ANKRD9: variants seen among roughly 807,000 people sequenced by gnomAD.
The protein encoded by ANKRD9 is ankyrin repeat domain 9.
ANKRD9 carries 13 observed loss-of-function variants against 19.2 expected under a neutral mutation model. The ratio of observed to expected loss-of-function variants is 0.68; its 90% CI spans 0.44 to 1.08. ANKRD9 has a LOEUF of 1.08. Among genes scored for constraint, ANKRD9 ranks in the 50% least tolerant of loss-of-function variants. The pLI, the probability that ANKRD9 is intolerant of heterozygous loss-of-function variation, is 0.00. For synonymous variants in ANKRD9, 278 were observed against 256.8 expected (o/e 1.08, Z -0.79); for missense variants, 518 against 499.9 (o/e 1.04, Z -0.34).
At position 102,507,430 on chromosome 14, in the gene ANKRD9, T is replaced by A; in HGVS notation, c.460A>T (p.Ser154Cys). 11 of 1,382,948 alleles carry A rather than the reference T, an allele frequency of 8.0e-6. No individual in the cohort carries two copies. Among genetic ancestry groups the A allele is most frequent in the Non-Finnish European group, 1.0e-5 (11 of 1,063,976 alleles). The allele number at this position is 1,382,948 out of a possible 1,614,324, so 85.7% of individuals were successfully genotyped here. Reference protein sequence around the residue: ...RARVLDRRGCSRVEGGGTSLH... With the variant: ...RARVLDRRGCCRVEGGGTSLH... The stretch of plus-strand genomic sequence containing the variant: ...GACGTGCCACCGCCCTCCACGCGGC[T>A]GCAGCCACGCCGGTCCAGCACGCGC... Residue 154 changes from serine to cysteine, a missense_variant, in exon 4 of 4, where the codon AGC becomes TGC. Ser to Cys is a moderately radical substitution (Grantham distance 112). Coordinates refer to ENST00000286918, the MANE Select transcript of ANKRD9 (RefSeq NM_152326.4). This position sits in a 1 kb window ranked among gnomAD's most constrained non-coding sequence, Gnocchi z 9.2.
chr14:102,507,381 G>A lies in ANKRD9; in HGVS notation c.509C>T (p.Ala170Val), dbSNP rs1483599821. ...CAGCAGGAAGAGGCACTCGGGGCGC[G>A]CCAGCTCACAGGCCACGTGCAGCGA... ...GTSLHVACELARPECLFLLLG... is the reference protein window; with the variant it reads ...GTSLHVACELVRPECLFLLLG... Residue 170 changes from alanine (A) to valine (V), a missense_variant, in exon 4 of 4, where the codon GCG (alanine) becomes GTG (valine). Ala to Val is a moderately conservative substitution (Grantham distance 64). Coordinates refer to ENST00000286918, the MANE Select transcript of ANKRD9 (RefSeq NM_152326.4). This position sits in a 1 kb window ranked among gnomAD's most constrained non-coding sequence, Gnocchi z 9.2. The A allele has an allele frequency of 1.5e-6, 2 of 1,338,982 alleles. No individual in the cohort carries two copies. The highest frequency in any genetic ancestry group is 1.9e-6 in the Non-Finnish European group (2 of 1,043,560). 82.9% of individuals were successfully genotyped at this position (1,338,982 alleles called of 1,614,324 possible).
At position 102,509,735 on chromosome 14, in the gene ANKRD9, G is replaced by A. The variant is rs996588009; in HGVS notation, c.-541C>T. On this transcript the variant is annotated 5_prime_UTR_variant, in exon 1 of 4. Transcript: ENST00000286918. Reference sequence around the variant, plus strand: ...TGCCGTCGCCGGCGGCGGGCGGCGGGCGGCGGGCGGCGGGCGGCGCAGTGC... The same window carrying A: ...TGCCGTCGCCGGCGGCGGGCGGCGGACGGCGGGCGGCGGGCGGCGCAGTGC... The A allele has an allele frequency of 1.4e-5, 2 of 145,954 alleles. No individual in the cohort carries two copies. Among genetic ancestry groups the A allele is most frequent in the African/African-American group, 4.9e-5 (2 of 40,856 alleles). The allele number at this position is 145,954 out of a possible 1,614,324, so 9.0% of individuals were successfully genotyped here.
Position 102,507,564 on chromosome 14 carries a change from C to A in ANKRD9, c.326G>T (p.Cys109Phe). 1 of 1,359,290 alleles carries A rather than the reference C, an allele frequency of 7.4e-7. No homozygotes were observed. Among genetic ancestry groups the A allele is most frequent in the Non-Finnish European group, 9.5e-7 (1 of 1,056,702 alleles). The allele number at this position is 1,359,290 out of a possible 1,614,324, so 84.2% of individuals were successfully genotyped here. The part of the protein sequence containing the change: ...ALAPPSAGFR[C>F]CAAPGPHVAL... Reference sequence around the variant, plus strand: ...CACGTGCGGCCCGGGAGCCGCGCAGCAGCGGAAGCCGGCACTGGGCGGTGC... The same window carrying A: ...CACGTGCGGCCCGGGAGCCGCGCAGAAGCGGAAGCCGGCACTGGGCGGTGC... The change falls in exon 4 of 4, where the codon TGC (cysteine) becomes TTC (phenylalanine). Residue 109 changes from cysteine (C) to phenylalanine (F), a missense_variant. Coordinates refer to ENST00000286918, the MANE Select transcript of ANKRD9 (RefSeq NM_152326.4). The surrounding 1 kb of genome is among the most constrained non-coding windows in gnomAD (Gnocchi z 9.2).
rs1424435297 is a variant in ANKRD9 at position 102,507,845 on chromosome 14, C to G, written c.45G>C (p.Gly15=). Residue 15 remains glycine, a synonymous_variant, in exon 4 of 4, where the codon GGG becomes GGC. Coordinates refer to ENST00000286918, the MANE Select transcript of ANKRD9 (RefSeq NM_152326.4). This position sits in a 1 kb window ranked among gnomAD's most constrained non-coding sequence, Gnocchi z 9.2. The part of the protein sequence containing the change: ...ARRPGGGADG[G]PEASGAARSR... ...AGCGCGCCGCGCCCGAGGCCTCGGG[C>G]CCGCCGTCCGCGCCACCCCCAGGCC... is the stretch of plus-strand genomic sequence containing the variant. 4.7e-6 allele frequency: 6 copies of G among 1,274,056 alleles called. No homozygotes were observed. In the African/African-American group the frequency reaches 6.4e-5, roughly 13 times the overall value. 78.9% of individuals were successfully genotyped at this position (1,274,056 alleles called of 1,614,324 possible). A position where few individuals can be genotyped will look rare whatever the true frequency, so the allele number is the denominator to read the frequency against.
rs1379829705 is a variant in ANKRD9, at chr14:102,501,818, G to C, written c.*5118C>G. 1.3e-5 allele frequency: 2 copies of C among 152,200 alleles called. No homozygotes were observed. Among genetic ancestry groups the C allele is most frequent in the Admixed American group, 1.3e-4 (2 of 15,284 alleles). 9.4% of individuals were successfully genotyped at this position (152,200 alleles called of 1,614,324 possible). A position where few individuals can be genotyped will look rare whatever the true frequency, so the allele number is the denominator to read the frequency against. ...CAATAGGAGGAGCACTTCGAGTCGA[G>C]TGTAAGGGCCCTTCACAAAAGCAGA... On this transcript the variant is annotated 3_prime_UTR_variant, in exon 4 of 4. Coordinates refer to ENST00000286918, the MANE Select transcript of ANKRD9 (RefSeq NM_152326.4).
In ANKRD9 at chr14:102,507,591, A is replaced by G. The variant is rs758899978; in HGVS notation, c.299T>C (p.Leu100Pro). The G allele has an allele frequency of 6.9e-7, 1 of 1,446,928 alleles. No individual in the cohort carries two copies. Among genetic ancestry groups the G allele is most frequent in the Non-Finnish European group, 9.1e-7 (1 of 1,099,392 alleles). The allele number at this position is 1,446,928 out of a possible 1,614,324, so 89.6% of individuals were successfully genotyped here. Residue 100 changes from leucine (L) to proline (P), a missense_variant, in exon 4 of 4, where the codon CTC (leucine) becomes CCC (proline). By Grantham distance (98) the Leu-to-Pro change is moderately conservative (BLOSUM62 -3). Transcript: ENST00000286918. This position sits in a 1 kb window ranked among gnomAD's most constrained non-coding sequence, Gnocchi z 9.2. ...YLLATFPRRA[L>P]APPSAGFRCC... The stretch of plus-strand genomic sequence containing the variant: ...GCGGAAGCCGGCACTGGGCGGTGCG[A>G]GCGCGCGCCGCGGGAACGTGGCCAG...
In ANKRD9 at chr14:102,502,354, T is replaced by C. The variant is rs1891463449; in HGVS notation, c.*4582A>G. 1 of 152,698 alleles carries C rather than the reference T, an allele frequency of 6.5e-6. No homozygotes were observed. The highest frequency in any genetic ancestry group is 6.5e-5 in the Admixed American group (1 of 15,286). The allele number at this position is 152,698 out of a possible 1,614,324, so 9.5% of individuals were successfully genotyped here. A position where few individuals can be genotyped will look rare whatever the true frequency, so the allele number is the denominator to read the frequency against. ...GAGGGGTGAAAAGAAACAAGTTCTC[T>C]ACTTGTGATCAGCAGCTGGTCATAG... On this transcript the variant is annotated 3_prime_UTR_variant, in exon 4 of 4. Transcript: ENST00000286918.
At position 102,507,563 on chromosome 14, in the gene ANKRD9, G is replaced by A. The variant is rs146061439; in HGVS notation, c.327C>T (p.Cys109=). 0.02 allele frequency: 26,575 copies of A among 1,358,704 alleles called. 305 individuals carry two copies. The highest frequency in any genetic ancestry group is 0.026 in the Middle Eastern group (108 of 4,106). The allele number at this position is 1,358,704 out of a possible 1,614,324, so 84.2% of individuals were successfully genotyped here. A position where few individuals can be genotyped will look rare whatever the true frequency, so the allele number is the denominator to read the frequency against. The part of the protein sequence containing the change: ...ALAPPSAGFR[C]CAAPGPHVAL... ...CCACGTGCGGCCCGGGAGCCGCGCAGCAGCGGAAGCCGGCACTGGGCGGTG... is the reference window on the plus strand; with the variant it reads ...CCACGTGCGGCCCGGGAGCCGCGCAACAGCGGAAGCCGGCACTGGGCGGTG... The change falls in exon 4 of 4, where the codon TGC becomes TGT. Residue 109 remains cysteine (C), a synonymous_variant. Transcript: ENST00000286918. This position sits in a 1 kb window ranked among gnomAD's most constrained non-coding sequence, Gnocchi z 9.2.
rs1157615106 is a variant in ANKRD9, at chr14:102,502,204, G to C, written c.*4732C>G. 1 of 152,400 alleles carries C rather than the reference G, an allele frequency of 6.6e-6. No homozygotes were observed. Among genetic ancestry groups the C allele is most frequent in the Non-Finnish European group, 1.5e-5 (1 of 68,052 alleles). The allele number at this position is 152,400 out of a possible 1,614,324, so 9.4% of individuals were successfully genotyped here. ...GGCATGGTCATGAAAGCGTGGTTCT[G>C]TAAGAAATCAGAGGGAGAAAGGGAG... is the stretch of plus-strand genomic sequence containing the variant. On this transcript the variant is annotated 3_prime_UTR_variant, in exon 4 of 4. Coordinates refer to ENST00000286918, the MANE Select transcript of ANKRD9 (RefSeq NM_152326.4).
At position 102,507,751 on chromosome 14, in the gene ANKRD9, CGGGTA is replaced by C; in HGVS notation, c.134_138del (p.Leu45ArgfsTer28). ...GCGCGCATATCCTCCAGCAGCCACA[CGGGTA>C]GCAGGTCGCGCACCGCCTGGTAGAA... On this transcript the variant is annotated frameshift_variant, in exon 4 of 4. Coordinates refer to ENST00000286918, the MANE Select transcript of ANKRD9 (RefSeq NM_152326.4). LOFTEE classifies it high-confidence loss of function. This position sits in a 1 kb window ranked among gnomAD's most constrained non-coding sequence, Gnocchi z 9.2. The C allele has an allele frequency of 4.4e-6, 6 of 1,352,718 alleles. No individual in the cohort carries two copies. The highest frequency in any genetic ancestry group is 5.8e-6 in the Non-Finnish European group (6 of 1,032,152). The allele number at this position is 1,352,718 out of a possible 1,614,324, so 83.8% of individuals were successfully genotyped here.
rs1891476171 is a variant in ANKRD9, at chr14:102,502,758, C to T, written c.*4178G>A. On this transcript the variant is annotated 3_prime_UTR_variant, in exon 4 of 4. Coordinates refer to ENST00000286918, the MANE Select transcript of ANKRD9 (RefSeq NM_152326.4). ...CTTGTATGCGTGCAGATGACGCACT[C>T]AGTCAGCGCCTTTACTTGTACGTGA... 1 of 152,204 alleles carries T rather than the reference C, an allele frequency of 6.6e-6. No individual in the cohort carries two copies. Among genetic ancestry groups the T allele is most frequent in the African/African-American group, 2.4e-5 (1 of 41,434 alleles). The allele number at this position is 152,204 out of a possible 1,614,324, so 9.4% of individuals were successfully genotyped here. A position where few individuals can be genotyped will look rare whatever the true frequency, so the allele number is the denominator to read the frequency against.
chr14:102,507,025 C>T lies in ANKRD9; in HGVS notation c.865G>A (p.Ala289Thr), dbSNP rs1891612019. 7 of 1,581,656 alleles carry T rather than the reference C, an allele frequency of 4.4e-6. No homozygotes were observed. Among genetic ancestry groups the T allele is most frequent in the South Asian group, 3.4e-5 (3 of 87,952 alleles). ...TCGGGGAAGCGGCCTGGAGAGATGG[C>T]GGTGACCAGCACCTGCATGGCGCGC... ...FARAMQVLVTAISPGRFPEAL... is the reference protein window; with the variant it reads ...FARAMQVLVTTISPGRFPEAL... Residue 289 changes from alanine (A) to threonine (T), a missense_variant, in exon 4 of 4, where the codon GCC becomes ACC. Transcript: ENST00000286918. This position sits in a 1 kb window ranked among gnomAD's most constrained non-coding sequence, Gnocchi z 9.2.
At position 102,507,182 on chromosome 14, in the gene ANKRD9, C is replaced by T. The variant is rs1388232293; in HGVS notation, c.708G>A (p.Ala236=). The stretch of plus-strand genomic sequence containing the variant: ...CGGCGGCACCCACGGGGGTGTACAG[C>T]GCCAGGAGGTCCAGCAGCAGCAGGC... ...QRRLLLLDLL[A]LYTPVGAAGS... is the part of the protein sequence containing the mutation. The change falls in exon 4 of 4, where the codon GCG becomes GCA. Residue 236 remains alanine (A), a synonymous_variant. Transcript: ENST00000286918. The surrounding 1 kb of genome is among the most constrained non-coding windows in gnomAD (Gnocchi z 9.2). The T allele has an allele frequency of 3.0e-6, 4 of 1,344,200 alleles. No individual in the cohort carries two copies. The highest frequency in any genetic ancestry group is 6.4e-5 in the East Asian group (2 of 31,188). 83.3% of individuals were successfully genotyped at this position (1,344,200 alleles called of 1,614,324 possible). A position where few individuals can be genotyped will look rare whatever the true frequency, so the allele number is the denominator to read the frequency against.
rs749830516 is a variant in ANKRD9, at chr14:102,507,026, G to T, written c.864C>A (p.Thr288=). Residue 288 remains threonine (T), a synonymous_variant, in exon 4 of 4, where the codon ACC becomes ACA. Coordinates refer to ENST00000286918, the MANE Select transcript of ANKRD9 (RefSeq NM_152326.4). This position sits in a 1 kb window ranked among gnomAD's most constrained non-coding sequence, Gnocchi z 9.2. The part of the protein sequence containing the change: ...LFARAMQVLV[T]AISPGRFPEA... ...CGGGGAAGCGGCCTGGAGAGATGGC[G>T]GTGACCAGCACCTGCATGGCGCGCG... 1.6e-5 allele frequency: 26 copies of T among 1,583,490 alleles called. No homozygotes were observed. In the African/African-American group the frequency reaches 3.6e-4, roughly 22 times the overall value.
chr14:102,507,542 G>T lies in ANKRD9; in HGVS notation c.348C>A (p.His116Gln), dbSNP rs868155121. Residue 116 changes from histidine to glutamine, a missense_variant, in exon 4 of 4, where the codon CAC (histidine) becomes CAA (glutamine). Physicochemically the swap from His to Gln is conservative, Grantham distance 24. Transcript: ENST00000286918. The surrounding 1 kb of genome is among the most constrained non-coding windows in gnomAD (Gnocchi z 9.2). ...GGTTGTAGCGCACTGCCAGCGCCACGTGCGGCCCGGGAGCCGCGCAGCAGC... is the reference window on the plus strand; with the variant it reads ...GGTTGTAGCGCACTGCCAGCGCCACTTGCGGCCCGGGAGCCGCGCAGCAGC... ...GFRCCAAPGP[H>Q]VALAVRYNRV... 7 of 1,338,776 alleles carry T rather than the reference G, an allele frequency of 5.2e-6. No homozygotes were observed. Among genetic ancestry groups the T allele is most frequent in the African/African-American group, 1.6e-5 (1 of 64,242 alleles). The allele number at this position is 1,338,776 out of a possible 1,614,324, so 82.9% of individuals were successfully genotyped here.
chr14:102,505,299 TGAGGACCTGCCACCTCCCA>T lies in ANKRD9; in HGVS notation c.*1618_*1636del, dbSNP rs1891557368. 6.7e-6 allele frequency: 1 copy of T among 149,294 alleles called. No individual in the cohort carries two copies. The highest frequency in any genetic ancestry group is 1.5e-5 in the Non-Finnish European group (1 of 66,814). The allele number at this position is 149,294 out of a possible 1,614,324, so 9.2% of individuals were successfully genotyped here. ...TCCCCCCCCCATGGCATCTCCAATCTGAGGACCTGCCACCTCCCAGAGGACCGGAGGCCCTGATGCCCCA... is the reference window on the plus strand; with the variant it reads ...TCCCCCCCCCATGGCATCTCCAATCTGAGGACCGGAGGCCCTGATGCCCCA... On this transcript the variant is annotated 3_prime_UTR_variant, in exon 4 of 4. Coordinates refer to ENST00000286918, the MANE Select transcript of ANKRD9 (RefSeq NM_152326.4).
rs1891656949 is a variant in ANKRD9, at chr14:102,507,686, G to A, written c.204C>T (p.Ala68=). 2.6e-6 allele frequency: 4 copies of A among 1,554,488 alleles called. No individual in the cohort carries two copies. The highest frequency in any genetic ancestry group is 3.5e-6 in the Non-Finnish European group (4 of 1,156,350). Residue 68 remains alanine (A), a synonymous_variant, in exon 4 of 4, where the codon GCC becomes GCT. Transcript: ENST00000286918. The surrounding 1 kb of genome is among the most constrained non-coding windows in gnomAD (Gnocchi z 9.2). ...AFHWDERGRA[A]AYSPSEALLY... ...GCAGCGCCTCAGAGGGCGAGTAGGC[G>A]GCGGCGCGCCCGCGCTCGTCCCAGT...
rs774984433 is a variant in ANKRD9 at position 102,505,276 on chromosome 14, C to CCCA, written c.*1659_*1660insTGG. ...ATACCCTCCAAAGGAGAGGCACCTC[C>CCCA]CCCCCCCATGGCATCTCCAATCTGA... is the stretch of plus-strand genomic sequence containing the variant. On this transcript the variant is annotated 3_prime_UTR_variant, in exon 4 of 4. Coordinates refer to ENST00000286918, the MANE Select transcript of ANKRD9 (RefSeq NM_152326.4). 1 of 151,834 alleles carries CCCA rather than the reference C, an allele frequency of 6.6e-6. No individual in the cohort carries two copies. Among genetic ancestry groups the CCCA allele is most frequent in the Non-Finnish European group, 1.5e-5 (1 of 67,892 alleles). 9.4% of individuals were successfully genotyped at this position (151,834 alleles called of 1,614,324 possible).
Position 102,507,499 on chromosome 14 carries a change from G to A in ANKRD9, c.391C>T (p.Arg131Cys), listed in dbSNP as rs745637203. 6.5e-5 allele frequency: 90 copies of A among 1,376,004 alleles called. 1 individual carries two copies. In the African/African-American group the frequency reaches 6.6e-4, roughly 10 times the overall value. The allele number at this position is 1,376,004 out of a possible 1,614,324, so 85.2% of individuals were successfully genotyped here. A position where few individuals can be genotyped will look rare whatever the true frequency, so the allele number is the denominator to read the frequency against. The stretch of plus-strand genomic sequence containing the variant: ...AAGTCGCGCAAGGTGCGCAGGATGC[G>A]GCGCAGAATGCCCACGCGGTTGTAG... The part of the protein sequence containing the change: ...VRYNRVGILR[R>C]ILRTLRDFPA... The change falls in exon 4 of 4, where the codon CGC becomes TGC. Residue 131 changes from arginine to cysteine, a missense_variant. By Grantham distance (180) the Arg-to-Cys change is radical (BLOSUM62 -3). Transcript: ENST00000286918. This position sits in a 1 kb window ranked among gnomAD's most constrained non-coding sequence, Gnocchi z 9.2.
Sources: gnomAD v4.1 joint callset for allele counts on GRCh38, gnomAD v4.1.1 for gene constraint, Gnocchi (gnomAD v3.1) non-coding constraint, MANE v1.5 for transcripts, NCBI Gene and HGNC (gene_info 2026-07-23, HGNC 2026-07-21) for gene names.